The following CFAP70 variants were observed in gnomAD, a reference collection of about 807,000 sequenced individuals.
CFAP70 encodes cilia- and flagella-associated protein 70.
A neutral mutation model predicts 137.6 loss-of-function variants in CFAP70; 81 were observed. That is an observed-to-expected ratio of 0.59 (90% CI 0.49 to 0.71). The LOEUF is 0.71. Among genes scored for constraint, CFAP70 ranks in the 30% least tolerant of loss-of-function variants. The pLI is 0.00. For synonymous variants in CFAP70, 382 were observed against 423.6 expected (o/e 0.90, Z 1.20); for missense variants, 976 against 1,226.7 (o/e 0.80, Z 3.05).
chr10:73,311,209 T>C (rs924337578), intron 11 of CFAP70, among the ~76,000 whole-genome samples: 3 of 152,246 alleles, frequency 2.0e-5, no homozygotes, highest in Non-Finnish European at 2.9e-5. Flanking sequence ...TTTCTCTATA[T>C]ACCATACACT....
chr10:73,265,576 G>T (rs1238802336), intron 25 of CFAP70, among the ~76,000 whole-genome samples: 1 of 152,098 alleles, frequency 6.6e-6, no homozygotes, highest in African/African-American at 2.4e-5. Flanking sequence ...CATTTAGGTT[G>T]TTTCCATTAT....
chr10:73,334,620 G>T (rs536956682), intron 7 of CFAP70, among the ~76,000 whole-genome samples: 25 of 149,266 alleles, frequency 1.7e-4, no homozygotes, highest in East Asian at 2.0e-4. Flanking sequence ...TCACTCTGTC[G>T]CCAGGCTGGA....
At chr10:73,308,893 G>A (rs879928212) in intron 12 of CFAP70, among the ~76,000 whole-genome samples, 13 of 149,954 alleles carry the variant, frequency 8.7e-5, no homozygotes, top group Admixed American at 2.0e-4. Flanking sequence ...GTGCTCAGAG[G>A]GAAATATATA....
At chr10:73,278,402 AG>A in intron 19 of CFAP70, 65 bp from the exon 21 acceptor site, 1 of 1,385,178 alleles carries the variant, frequency 7.2e-7, no homozygotes, top group Non-Finnish European at 9.9e-7. Context: ...GGTTATTGTA[AG>A]AGATACATTT....
At chr10:73,269,524 T>C in intron 25 of CFAP70, 90 bp downstream of exon 26, 1 of 810,852 alleles carries the variant, frequency 1.2e-6, no homozygotes, top group South Asian at 1.5e-5. Flanking sequence ...TCAGCTACCA[T>C]GCATTAATGG....
At chr10:73,273,101 T>C in intron 23 of CFAP70, 84 bp from the exon 25 acceptor site, 3 of 1,051,466 alleles carry the variant, frequency 2.9e-6, no homozygotes, top group Admixed American at 4.0e-5. Flanking sequence ...TCTCTGATAA[T>C]TGCTCTCCAG....
intron 8 of CFAP70, among the ~76,000 whole-genome samples, chr10:73,323,544 A>G (rs2132221749): frequency 6.6e-6 from 1 of 152,352 alleles, no homozygotes; most frequent in Admixed American, 6.5e-5. Flanking sequence ...CGGGAAGCGC[A>G]AGGGGTCAGG....
intron 9 of CFAP70, among the ~76,000 whole-genome samples, chr10:73,321,456 G>C (rs1437704670): frequency 6.6e-6 from 1 of 152,066 alleles, no homozygotes; most frequent in Non-Finnish European, 1.5e-5. Context: ...GTGGCTTCTA[G>C]TTCAAAAGAT....
At chr10:73,331,417 T>C in intron 7 of CFAP70, 141 bp from the exon 9 acceptor site, 1 of 630,800 alleles carries the variant, frequency 1.6e-6, no homozygotes, top group Non-Finnish European at 2.6e-6. Context: ...CAGTGGCTCA[T>C]GCCTGTAAAT....
chr10:73,346,045 C>G (rs917719017), intron 4 of CFAP70, among the ~76,000 whole-genome samples: 2 of 151,192 alleles, frequency 1.3e-5, no homozygotes, highest in Non-Finnish European at 2.9e-5. Context: ...AGTACAGGCG[C>G]ATGCCACCAT....
intron 3 of CFAP70, 54 bp downstream of exon 3, chr10:73,353,502 A>T (rs542223330): frequency 6.7e-7 from 1 of 1,484,524 alleles, no homozygotes; most frequent in African/African-American, 1.4e-5. Context: ...CCCATCCAAC[A>T]TGATAGGGAA....
chr10:73,255,447 T>A (rs1455086358), intron 26 of CFAP70, among the ~76,000 whole-genome samples: 1 of 152,056 alleles, frequency 6.6e-6, no homozygotes, highest in East Asian at 1.9e-4. Flanking sequence ...CCCAGCTACT[T>A]GGGAGGCTGA....
At chr10:73,358,832 C>T (rs2054880826), upstream of CFAP70, 2 of 152,308 alleles carry the variant, frequency 1.3e-5, no homozygotes, top group African/African-American at 2.4e-5. Context: ...CCCTCTGGGG[C>T]CGGGAGCAGG....
intron 25 of CFAP70, among the ~76,000 whole-genome samples, chr10:73,267,804 AT>A (rs1441532900): frequency 6.6e-6 from 1 of 152,152 alleles, no homozygotes; most frequent in Non-Finnish European, 1.5e-5. Flanking sequence ...TCCCAAGCTT[AT>A]TCAGTTTGTT....
At chr10:73,283,225 TTAAG>T (rs2047394791) in intron 19 of CFAP70, among the ~76,000 whole-genome samples, 1 of 152,316 alleles carries the variant, frequency 6.6e-6, no homozygotes, top group South Asian at 2.1e-4. Context: ...TTCAATTCAT[TTAAG>T]TGTGTTAAGG....
intron 12 of CFAP70, among the ~76,000 whole-genome samples, chr10:73,307,956 G>A (rs1211318229): frequency 6.8e-6 from 1 of 147,778 alleles, no homozygotes; most frequent in Non-Finnish European, 1.5e-5. Context: ...ACCAGCCTGG[G>A]CAACACAGTG....
At chr10:73,342,670 C>A (rs553343762) in intron 5 of CFAP70, among the ~76,000 whole-genome samples, 1 of 152,238 alleles carries the variant, frequency 6.6e-6, no homozygotes, top group African/African-American at 2.4e-5. Flanking sequence ...CTATAGCAAA[C>A]TAAAGTACAA....
chr10:73,300,628 C>T (rs943433985), intron 12 of CFAP70, among the ~76,000 whole-genome samples: 3 of 151,998 alleles, frequency 2.0e-5, no homozygotes, highest in African/African-American at 2.4e-5. Flanking sequence ...TTCGAGAGGC[C>T]GAGGCGGGTG....
chr10:73,288,114 C>T (rs2047886632), intron 19 of CFAP70, among the ~76,000 whole-genome samples: 1 of 152,038 alleles, frequency 6.6e-6, no homozygotes, highest in Non-Finnish European at 1.5e-5. Context: ...CCAAGCTGGT[C>T]TGGAACCCCT....
Sources: allele counts gnomAD v4.1 joint callset (sites outside exome capture counted in the v4.1 genomes callset), GRCh38; gene constraint gnomAD v4.1.1; transcripts MANE v1.5; gene names NCBI Gene and HGNC (gene_info 2026-07-23, HGNC 2026-07-21).